CDC73: variants seen among roughly 807,000 people sequenced by gnomAD.
CDC73 encodes the protein cell division cycle 73.
Under a neutral mutation model 83.7 loss-of-function variants are expected in CDC73, and 21 were observed. That is an observed-to-expected ratio of 0.25 (90% CI 0.18 to 0.36). The LOEUF is 0.36. Ranked by LOEUF, CDC73 falls within the 10% of genes least tolerant of loss-of-function variation. CDC73 has a pLI of 1.00. For synonymous variants in CDC73, 224 were observed against 212.9 expected (o/e 1.05, Z -0.45); for missense variants, 342 against 653.3 (o/e 0.52, Z 5.19).
chr1:193,130,438 T>G (rs1424400872), intron 3 of CDC73, among the ~76,000 whole-genome samples, 195 bp downstream of exon 3: 1 of 152,242 alleles, frequency 6.6e-6, no homozygotes, highest in Non-Finnish European at 1.5e-5. Flanking sequence ...ACCCCTTCCT[T>G]GTGTGTGGAT....
At chr1:193,167,912 G>C (rs1385286333) in intron 10 of CDC73, among the ~76,000 whole-genome samples, 1 of 152,114 alleles carries the variant, frequency 6.6e-6, no homozygotes, top group Non-Finnish European at 1.5e-5. Flanking sequence ...CCAGTCTTCA[G>C]TACAGTGGTG....
rs538257776 is a variant in CDC73 at position 193,218,546 on chromosome 1, G to A, written c.1154+6069G>A. Among the ~76,000 whole-genome samples, 7 of 152,260 alleles carry A rather than the reference G, an allele frequency of 4.6e-5. No individual in the cohort carries two copies. The East Asian group carries it at 9.7e-4, about 21-fold the overall frequency. ...CAAGACTAGAGTAACCAAAACTGTA[G>A]TACTGGTACAAAAACAGGCACACAG... On this transcript the variant is annotated intron_variant, in intron 13 of 16. Coordinates refer to ENST00000367435, the MANE Select transcript of CDC73 (RefSeq NM_024529.5).
At chr1:193,214,212 G>A (rs745473473) in intron 13 of CDC73, among the ~76,000 whole-genome samples, 2 of 152,076 alleles carry the variant, frequency 1.3e-5, no homozygotes, top group Non-Finnish European at 2.9e-5. Flanking sequence ...ATTTGTAGCC[G>A]ATGACTATTT....
At chr1:193,122,459 A>G in intron 1 of CDC73, 128 bp downstream of exon 1, 1 of 1,254,418 alleles carries the variant, frequency 8.0e-7, no homozygotes, top group Non-Finnish European at 1.2e-6. Flanking sequence ...GGGAAAAGAA[A>G]GTTTCTCTCT....
chr1:193,203,664 C>CAA, intron 10 of CDC73, 131 bp from the exon 11 acceptor site: 1 of 746,584 alleles, frequency 1.3e-6, no homozygotes, highest in South Asian at 1.5e-5. Context: ...ATAACATGTT[C>CAA]AGTGGAGTAA....
intron 10 of CDC73, chr1:193,180,337 G>C: frequency 6.3e-7 from 1 of 1,592,236 alleles, no homozygotes; most frequent in East Asian, 2.2e-5. Context: ...CTTTTCTTTT[G>C]CTGCGTTGGC....
chr1:193,226,977 AC>A (rs1677577008), intron 13 of CDC73, among the ~76,000 whole-genome samples: 1 of 152,056 alleles, frequency 6.6e-6, no homozygotes, highest in Non-Finnish European at 1.5e-5. Context: ...TTTTTAAATT[AC>A]CATTTTAATC....
chr1:193,142,000 C>T lies in CDC73; in HGVS notation c.663C>T (p.Thr221=), dbSNP rs2103126329. The change falls in exon 7 of 17, where the codon ACC becomes ACT. Residue 221 remains threonine, a synonymous_variant. Coordinates refer to ENST00000367435, the MANE Select transcript of CDC73 (RefSeq NM_024529.5). ...RSFVDAEVDV[T]RDIVSRERVW... ...TTGTGGATGCTGAGGTAGATGTGAC[C>T]CGAGATATTGTCAGCAGAGAGAGAG... The T allele has an allele frequency of 1.2e-6, 2 of 1,613,484 alleles. No homozygotes were observed. The highest frequency in any genetic ancestry group is 1.7e-6 in the Non-Finnish European group (2 of 1,179,828).
intron 6 of CDC73, among the ~76,000 whole-genome samples, chr1:193,139,059 C>T (rs986843258): frequency 6.6e-6 from 1 of 152,110 alleles, no homozygotes; most frequent in African/African-American, 2.4e-5. Flanking sequence ...CAGGCGTGAG[C>T]CACCGCGCCT....
chr1:193,159,480 C>G (rs34793300), intron 10 of CDC73, among the ~76,000 whole-genome samples: 1 of 152,112 alleles, frequency 6.6e-6, no homozygotes, highest in Non-Finnish European at 1.5e-5. Context: ...AGGTGATTCT[C>G]CTGCCTCAGC....
chr1:193,169,060 G>A (rs1676478734), intron 10 of CDC73, among the ~76,000 whole-genome samples: 1 of 151,802 alleles, frequency 6.6e-6, no homozygotes, highest in Admixed American at 6.6e-5. Context: ...GCTGTATTTT[G>A]CTTACTCTTG....
chr1:193,194,645 C>A (rs1676971166), intron 10 of CDC73, among the ~76,000 whole-genome samples: 1 of 152,052 alleles, frequency 6.6e-6, no homozygotes, highest in Non-Finnish European at 1.5e-5. Flanking sequence ...GATATTAATC[C>A]AAGCATTATA....
At chr1:193,141,576 T>A (rs1675907291) in intron 6 of CDC73, among the ~76,000 whole-genome samples, 1 of 152,168 alleles carries the variant, frequency 6.6e-6, no homozygotes, top group South Asian at 2.1e-4. Context: ...TGAGTCCTGC[T>A]TTTTTGTGGG....
intron 10 of CDC73, among the ~76,000 whole-genome samples, chr1:193,156,941 G>T (rs952302452): frequency 6.6e-6 from 1 of 152,116 alleles, no homozygotes; most frequent in African/African-American, 2.4e-5. Flanking sequence ...GATCTGATTG[G>T]GGAGGGACAC....
chr1:193,207,604 C>A (rs930999527), intron 11 of CDC73, among the ~76,000 whole-genome samples: 1 of 152,112 alleles, frequency 6.6e-6, no homozygotes, highest in Non-Finnish European at 1.5e-5. Flanking sequence ...CTTGCATGCC[C>A]ATTTTTAGGC....
intron 15 of CDC73, among the ~76,000 whole-genome samples, chr1:193,244,712 A>C (rs1381011637): frequency 6.6e-6 from 1 of 152,160 alleles, no homozygotes; most frequent in Non-Finnish European, 1.5e-5. Flanking sequence ...AAATCTTTGC[A>C]AGACTTGTTT....
At chr1:193,138,464 G>A (rs894185210) in intron 6 of CDC73, among the ~76,000 whole-genome samples, 1 of 152,146 alleles carries the variant, frequency 6.6e-6, no homozygotes, top group Non-Finnish European at 1.5e-5. Context: ...TACACCAGAA[G>A]TCAGCAAGCT....
intron 13 of CDC73, among the ~76,000 whole-genome samples, chr1:193,212,847 G>T (rs1300354982): frequency 6.6e-6 from 1 of 152,106 alleles, no homozygotes; most frequent in Non-Finnish European, 1.5e-5. Context: ...GGGCGGGTAG[G>T]TGGGGGCATA....
At chr1:193,215,061 G>A (rs1677342138) in intron 13 of CDC73, among the ~76,000 whole-genome samples, 1 of 152,216 alleles carries the variant, frequency 6.6e-6, no homozygotes, top group South Asian at 2.1e-4. Flanking sequence ...AGCACTTGGT[G>A]TAAAACTCAG....
Sources: allele counts gnomAD v4.1 joint callset (sites outside exome capture counted in the v4.1 genomes callset), GRCh38; gene constraint gnomAD v4.1.1; transcripts MANE v1.5; gene names NCBI Gene and HGNC (gene_info 2026-07-23, HGNC 2026-07-21).